The following CEP83 variants were observed in gnomAD, a reference collection of about 807,000 sequenced individuals.
The protein encoded by CEP83 is centrosomal protein 83.
CEP83 carries 70 observed loss-of-function variants against 101.9 expected under a neutral mutation model. That is an observed-to-expected ratio of 0.69 (90% confidence interval 0.57 to 0.84). The LOEUF is 0.84. CEP83 is among the 40% of genes least tolerant of loss of function. The pLI, the probability that CEP83 is intolerant of heterozygous loss-of-function variation, is 0.00. For missense variants in CEP83, 715 were observed against 787.2 expected (o/e 0.91, Z 1.10); for synonymous variants, 264 against 267.9 (o/e 0.99, Z 0.14).
At chr12:94,382,869 T>C (rs1310227777) in intron 6 of CEP83, among the ~76,000 whole-genome samples, 1 of 152,056 alleles carries the variant, frequency 6.6e-6, no homozygotes, top group Non-Finnish European at 1.5e-5. Flanking sequence ...GTTTTATAAA[T>C]GTTATTTAGG....
At chr12:94,431,979 G>T (rs1171027659) in intron 2 of CEP83, among the ~76,000 whole-genome samples, 1 of 152,122 alleles carries the variant, frequency 6.6e-6, no homozygotes, top group South Asian at 2.1e-4. Flanking sequence ...GGGATACCTG[G>T]ACTCAGGTTA....
chr12:94,369,205 A>C (rs2061170628), intron 9 of CEP83: 1 of 152,320 alleles, frequency 6.6e-6, no homozygotes, highest in Admixed American at 6.5e-5. Flanking sequence ...CTGTAATCCC[A>C]GTACTTTGGG....
intron 11 of CEP83, among the ~76,000 whole-genome samples, chr12:94,343,686 G>C (rs1427155896): frequency 6.7e-6 from 1 of 149,674 alleles, no homozygotes; most frequent in Non-Finnish European, 1.5e-5. Context: ...GTAGAGACGG[G>C]GTTTCACCTT....
intron 11 of CEP83, among the ~76,000 whole-genome samples, chr12:94,341,790 C>A: frequency 6.6e-6 from 1 of 152,036 alleles, no homozygotes; most frequent in Non-Finnish European, 1.5e-5. Flanking sequence ...AAAACAAAAC[C>A]TAAGGGTCAA....
intron 11 of CEP83, among the ~76,000 whole-genome samples, chr12:94,362,499 A>G (rs1001116279): frequency 2.0e-5 from 3 of 152,176 alleles, no homozygotes; most frequent in Non-Finnish European, 4.4e-5. Flanking sequence ...TTAGCCAGGC[A>G]TGGTGGCACA....
At chr12:94,298,074 A>C in the CEP83 span, among the ~76,000 whole-genome samples, 1 of 152,222 alleles carries the variant, frequency 6.6e-6, no homozygotes, top group Admixed American at 6.5e-5. Context: ...TATAACAAAG[A>C]ATCTGCTTAG....
At chr12:94,332,906 A>G (rs1188405235) in intron 13 of CEP83, among the ~76,000 whole-genome samples, 1 of 152,076 alleles carries the variant, frequency 6.6e-6, no homozygotes, top group African/African-American at 2.4e-5. Flanking sequence ...TATAAAGACA[A>G]AGCAAATACA....
intron 2 of CEP83, among the ~76,000 whole-genome samples, chr12:94,414,304 A>C (rs1034889456): frequency 1.3e-5 from 2 of 152,226 alleles, no homozygotes; most frequent in Non-Finnish European, 2.9e-5. Context: ...AAATGCTATC[A>C]AATAGAATCT....
chr12:94,403,108 C>T (rs539981824), intron 5 of CEP83, 62 bp downstream of exon 5: 25 of 870,740 alleles, frequency 2.9e-5, no homozygotes, highest in African/African-American at 2.7e-4. Context: ...GGGAATGATG[C>T]TTTTCATCAA....
At chr12:94,332,171 T>C (rs755684457) in intron 13 of CEP83, among the ~76,000 whole-genome samples, 2 of 152,224 alleles carry the variant, frequency 1.3e-5, no homozygotes, top group Non-Finnish European at 2.9e-5. Context: ...AGACAAACAC[T>C]TGATAACCAG....
chr12:94,270,247 C>T, the CEP83 span, among the ~76,000 whole-genome samples: 58 of 152,206 alleles, frequency 3.8e-4, no homozygotes, highest in African/African-American at 1.3e-3. Context: ...GCCTGTGGGC[C>T]AAATGTGGCC....
chr12:94,375,731 T>C (rs550936341), intron 8 of CEP83, among the ~76,000 whole-genome samples, 155 bp downstream of exon 8: 1 of 152,274 alleles, frequency 6.6e-6, no homozygotes, highest in African/African-American at 2.4e-5. Context: ...AGGCATAAGA[T>C]AACATACTCT....
chr12:94,388,831 T>C (rs890610477), intron 6 of CEP83, among the ~76,000 whole-genome samples: 63 of 152,148 alleles, frequency 4.1e-4, no homozygotes, highest in African/African-American at 1.2e-3. Flanking sequence ...TTTTGCTAAA[T>C]TGAAAAAAAA....
chr12:94,355,444 T>C (rs542484390), intron 11 of CEP83, among the ~76,000 whole-genome samples: 2 of 151,994 alleles, frequency 1.3e-5, no homozygotes, highest in Non-Finnish European at 2.9e-5. Flanking sequence ...AGTGAGCAGA[T>C]CGCACCACTG....
At chr12:94,433,153 T>C (rs911264589) in intron 2 of CEP83, among the ~76,000 whole-genome samples, 19 of 152,154 alleles carry the variant, frequency 1.2e-4, no homozygotes, top group African/African-American at 4.6e-4. Context: ...AAGACTGGAA[T>C]TTATTCCATG....
At chr12:94,326,170 T>C (rs1203133385) in intron 14 of CEP83, among the ~76,000 whole-genome samples, 1 of 152,162 alleles carries the variant, frequency 6.6e-6, no homozygotes, top group Non-Finnish European at 1.5e-5. Flanking sequence ...GGTGACCACA[T>C]TGACTTGCTG....
chr12:94,456,552 C>T (rs887992557), intron 1 of CEP83, among the ~76,000 whole-genome samples: 1 of 152,178 alleles, frequency 6.6e-6, no homozygotes. Flanking sequence ...AGAAAACTTA[C>T]AATCATGGCA....
intron 2 of CEP83, among the ~76,000 whole-genome samples, chr12:94,421,772 TG>T (rs2064771825): frequency 6.6e-6 from 1 of 152,248 alleles, no homozygotes; most frequent in South Asian, 2.1e-4. Flanking sequence ...TATAGCCTAT[TG>T]CTTGTAGGCT....
At chr12:94,387,258 G>T (rs561818619) in intron 6 of CEP83, among the ~76,000 whole-genome samples, 1 of 152,302 alleles carries the variant, frequency 6.6e-6, no homozygotes, top group African/African-American at 2.4e-5. Context: ...CACACAGCAG[G>T]AAGTGAGCAG....
Sources: allele counts gnomAD v4.1 joint callset (sites outside exome capture counted in the v4.1 genomes callset), GRCh38; gene constraint gnomAD v4.1.1; transcripts MANE v1.5; gene names NCBI Gene and HGNC (gene_info 2026-07-23, HGNC 2026-07-21).